ENOSF1: variants seen among roughly 807,000 people sequenced by gnomAD.
ENOSF1 encodes mitochondrial enolase superfamily member 1.
ENOSF1 carries 73 observed loss-of-function variants against 68.2 expected under a neutral mutation model. That is an observed-to-expected ratio of 1.07 (90% CI 0.89 to 1.30). The LOEUF is 1.30. Among genes scored for constraint, ENOSF1 ranks in the 50% most tolerant of loss-of-function variants. The pLI is 0.00. For missense variants in ENOSF1, 589 were observed against 554.5 expected (o/e 1.06, Z -0.62); for synonymous variants, 223 against 210.4 (o/e 1.06, Z -0.52).
At chr18:704,440 G>GA (rs11429267) in intron 2 of ENOSF1, among the ~76,000 whole-genome samples, 1,796 of 97,230 alleles carry the variant, frequency 0.018, 71 homozygotes, top group African/African-American at 0.062. Flanking sequence ...AAAAAGAAAA[G>GA]AAAAAAAAAA....
intron 10 of ENOSF1, 24 bp from the exon 11 acceptor site, chr18:683,404 G>A: frequency 4.3e-6 from 7 of 1,613,686 alleles, no homozygotes; most frequent in Non-Finnish European, 5.9e-6. Context: ...CTCTTCACAG[G>A]GAGGTCAGCC....
rs1424099878 is a variant in ENOSF1 at position 671,076 on chromosome 18, A to G, written c.*3229T>C. 3.1e-6 allele frequency: 2 copies of G among 640,284 alleles called. No individual in the cohort carries two copies. Among genetic ancestry groups the G allele is most frequent in the Non-Finnish European group, 5.3e-6 (2 of 376,614 alleles). 39.7% of individuals were successfully genotyped at this position (640,284 alleles called of 1,614,324 possible). On this transcript the variant is annotated 3_prime_UTR_variant, in exon 16 of 16. Coordinates refer to ENST00000647584, the MANE Select transcript of ENOSF1 (RefSeq NM_017512.7). ...GGTATACGCACTAACAGATCTATACAGGTTGTTTGTGATACAGCTTCTATG... is the reference window on the plus strand; with the variant it reads ...GGTATACGCACTAACAGATCTATACGGGTTGTTTGTGATACAGCTTCTATG...
chr18:683,220 CACA>C (rs1359091155), intron 11 of ENOSF1, 23 bp downstream of exon 11: 2 of 1,612,874 alleles, frequency 1.2e-6, no homozygotes. Context: ...AATAAGCTGC[CACA>C]GCAGCAGCAG....
At chr18:697,640 A>G (rs2077883353) in intron 2 of ENOSF1, among the ~76,000 whole-genome samples, 1 of 152,026 alleles carries the variant, frequency 6.6e-6, no homozygotes, top group African/African-American at 2.4e-5. Flanking sequence ...AATCCCAGCT[A>G]CTCAGGAGGC....
At chr18:706,644 T>TGATGTCACATGAGGACAGAC in intron 1 of ENOSF1, 66 bp from the exon 2 acceptor site, 1 of 1,187,672 alleles carries the variant, frequency 8.4e-7, no homozygotes, top group Non-Finnish European at 1.3e-6. Flanking sequence ...ACCATGAGAA[T>TGATGTCACATGAGGACAGAC]GATGTCACAT....
intron 8 of ENOSF1, among the ~76,000 whole-genome samples, chr18:689,161 T>C (rs1419624330): frequency 1.3e-5 from 2 of 152,188 alleles, no homozygotes; most frequent in Non-Finnish European, 2.9e-5. Context: ...AATCTTACCC[T>C]AGGCTGTCAC....
rs1160761337 is a variant in ENOSF1 at position 693,953 on chromosome 18, C to A, written c.397-45G>T. ...GATTTGTAAGACATATGTGTAAAGT[C>A]CCCATTTTTTCCTGACAGTAAACGC... On this transcript the variant is annotated intron_variant, in intron 4 of 15. Coordinates refer to ENST00000647584, the MANE Select transcript of ENOSF1 (RefSeq NM_017512.7). The A allele has an allele frequency of 3.7e-6, 6 of 1,603,100 alleles. No individual in the cohort carries two copies. The East Asian group carries it at 1.1e-4, about 30-fold the overall frequency.
intron 8 of ENOSF1, among the ~76,000 whole-genome samples, chr18:689,121 G>A (rs932966567): frequency 6.6e-5 from 10 of 152,206 alleles, no homozygotes; most frequent in Non-Finnish European, 1.0e-4. Flanking sequence ...TCTCAATCTC[G>A]CAGTGGGTCT....
chr18:683,241 C>T lies in ENOSF1; in HGVS notation c.876+5G>A, dbSNP rs2076266680. 1.2e-6 allele frequency: 2 copies of T among 1,613,918 alleles called. No homozygotes were observed. Among genetic ancestry groups the T allele is most frequent in the Non-Finnish European group, 8.5e-7 (1 of 1,179,986 alleles). On this transcript the variant is annotated splice_donor_5th_base_variant and intron_variant, in intron 11 of 15. Transcript: ENST00000647584. ...CTGCCACAGCAGCAGCAGCCGTTTT[C>T]CTACCTTGGAAATGGTGGCGTGCCC...
intron 2 of ENOSF1, among the ~76,000 whole-genome samples, chr18:699,263 A>C (rs1172332013): frequency 6.6e-6 from 1 of 151,936 alleles, no homozygotes; most frequent in Non-Finnish European, 1.5e-5. Flanking sequence ...GGAATTTGAG[A>C]CCAGCCTGGG....
At chr18:679,275 T>C (rs945733413) in intron 11 of ENOSF1, among the ~76,000 whole-genome samples, 2 of 150,164 alleles carry the variant, frequency 1.3e-5, no homozygotes, top group Non-Finnish European at 3.0e-5. Flanking sequence ...AGTGGCATGA[T>C]CTTAGCTCAC....
chr18:683,532 A>G, intron 10 of ENOSF1, 152 bp from the exon 11 acceptor site: 3 of 805,122 alleles, frequency 3.7e-6, no homozygotes, highest in Non-Finnish European at 5.8e-6. Flanking sequence ...CACGGCCCTA[A>G]CAAAAAGAGC....
At chr18:711,485 T>C (rs1464993713) in intron 1 of ENOSF1, among the ~76,000 whole-genome samples, 1 of 152,178 alleles carries the variant, frequency 6.6e-6, no homozygotes, top group East Asian at 1.9e-4. Context: ...CTTCCCAGCA[T>C]ACTTTCACAC....
downstream of ENOSF1, among the ~76,000 whole-genome samples, chr18:666,914 GTGATGGAGATGGTGA>G (rs2074830917): frequency 1.5e-5 from 1 of 64,910 alleles, no homozygotes; most frequent in Non-Finnish European, 4.0e-5. Flanking sequence ...GATGGTGATG[GTGATGGAGATGGTGA>G]TGGTGATGGA....
chr18:676,575 G>A (rs2075546208), intron 14 of ENOSF1, among the ~76,000 whole-genome samples: 1 of 152,210 alleles, frequency 6.6e-6, no homozygotes, highest in Non-Finnish European at 1.5e-5. Context: ...CGTGCAGCCT[G>A]CAGAACTGTA....
chr18:689,455 T>C (rs938915131), intron 8 of ENOSF1, among the ~76,000 whole-genome samples: 1 of 152,120 alleles, frequency 6.6e-6, no homozygotes, highest in African/African-American at 2.4e-5. Flanking sequence ...TAATTTTTTG[T>C]ATTTTTAGTA....
chr18:680,821 C>T (rs894335440), intron 11 of ENOSF1, among the ~76,000 whole-genome samples: 2 of 150,312 alleles, frequency 1.3e-5, no homozygotes, highest in African/African-American at 2.5e-5. Context: ...GCTGGGATTA[C>T]AGGCACACAT....
chr18:711,887 T>A (rs1235226966), intron 1 of ENOSF1, among the ~76,000 whole-genome samples: 1 of 151,884 alleles, frequency 6.6e-6, no homozygotes, highest in Non-Finnish European at 1.5e-5. Flanking sequence ...CACAGACGGG[T>A]CCAAGAGACC....
intron 14 of ENOSF1, among the ~76,000 whole-genome samples, chr18:675,895 G>A (rs1014530564): frequency 3.9e-5 from 6 of 152,070 alleles, no homozygotes; most frequent in African/African-American, 7.2e-5. Flanking sequence ...AGCACTGTGA[G>A]GCTTTCTCGG....
Sources: gnomAD v4.1 joint callset for allele counts (sites outside exome capture counted in the v4.1 genomes callset) on GRCh38, gnomAD v4.1.1 for gene constraint, MANE v1.5 for transcripts, NCBI Gene and HGNC (gene_info 2026-07-23, HGNC 2026-07-21) for gene names.